The following PDE4D variants were observed in gnomAD, a reference collection of about 807,000 sequenced individuals.
PDE4D encodes the protein phosphodiesterase 4D, also known as 3',5'-cyclic-AMP phosphodiesterase 4D.
In PDE4D, 24 loss-of-function variants were observed where a neutral mutation model predicts 87.4. The ratio of observed to expected loss-of-function variants is 0.27; its 90% confidence interval spans 0.20 to 0.39. The LOEUF is 0.39. Ranked by LOEUF, PDE4D falls within the 10% of genes least tolerant of loss-of-function variation. The pLI is 1.00. For missense variants in PDE4D, 714 were observed against 1,041.0 expected, an observed-to-expected ratio of 0.69 and a Z score of 4.32; for synonymous variants, 384 against 383.2, an observed-to-expected ratio of 1.00 and a Z score of -0.02.
chr5:60,135,710 A>G (rs1478104715), intron 2 of PDE4D, among the ~76,000 whole-genome samples: 3 of 152,182 alleles, frequency 2.0e-5, no homozygotes, highest in Non-Finnish European at 4.4e-5. Context: ...GTGCTGGAAG[A>G]AAGGTCAGGG....
chr5:59,783,140 A>T (rs1233527118), intron 1 of PDE4D, among the ~76,000 whole-genome samples: 3 of 152,214 alleles, frequency 2.0e-5, no homozygotes, highest in Non-Finnish European at 2.9e-5. Context: ...CACTAGCAGA[A>T]GGCCTGGTTT....
intron 1 of PDE4D, among the ~76,000 whole-genome samples, chr5:59,523,959 T>G (rs1180186498): frequency 1.3e-5 from 2 of 152,218 alleles, no homozygotes; most frequent in Non-Finnish European, 2.9e-5. Flanking sequence ...GTAAGTTTCC[T>G]GAAGCCTCCC....
rs926523434 is a variant in PDE4D at position 60,415,487 on chromosome 5, G to A, written c.-90+72455C>T. On this transcript the variant is annotated intron_variant, in intron 1 of 16. Transcript: ENST00000502484. ...GTGCAGGCGGGAACCGGGGCTGCGCGGCAGGCACTTGAAGGCCAGTGCGAG... is the reference window on the plus strand; with the variant it reads ...GTGCAGGCGGGAACCGGGGCTGCGCAGCAGGCACTTGAAGGCCAGTGCGAG... Among the ~76,000 whole-genome samples the A allele has an allele frequency of 4.6e-5, 7 of 152,340 alleles. No individual in the cohort carries two copies. The East Asian group carries it at 9.7e-4, about 21-fold the overall frequency.
In PDE4D at chr5:60,150,815, T is replaced by C. The variant is rs1212143415; in HGVS notation, c.42+34742A>G. Among the ~76,000 whole-genome samples, 13 of 152,146 alleles carry C rather than the reference T, an allele frequency of 8.5e-5. 1 individual carries two copies. Among genetic ancestry groups the C allele is most frequent in the Non-Finnish European group, 1.5e-5 (1 of 68,022 alleles). On this transcript the variant is annotated intron_variant, in intron 2 of 16. Transcript: ENST00000502484. ...GCCTAACCCCGAAGGTTTGGAAATC[T>C]GTGAATACAGAATAAAAGGTAACTA...
chr5:59,347,255 C>A (rs927201158), intron 1 of PDE4D, among the ~76,000 whole-genome samples: 12 of 152,132 alleles, frequency 7.9e-5, no homozygotes, highest in African/African-American at 2.9e-4. Flanking sequence ...CCTATATAAA[C>A]AAACTCTGCC....
chr5:59,987,808 G>A (rs1347871360), intron 3 of PDE4D: 1 of 152,054 alleles, frequency 6.6e-6, no homozygotes, highest in Non-Finnish European at 1.5e-5. Context: ...TTTTAAACTG[G>A]TGACATTGCT....
At chr5:59,032,914 G>A (rs1043593439) in intron 6 of PDE4D, among the ~76,000 whole-genome samples, 1 of 152,112 alleles carries the variant, frequency 6.6e-6, no homozygotes, top group Non-Finnish European at 1.5e-5. Context: ...CAAAATATTA[G>A]ATAGGAAACA....
intron 6 of PDE4D, among the ~76,000 whole-genome samples, chr5:59,031,218 C>A (rs1757330214): frequency 6.6e-6 from 1 of 151,812 alleles, no homozygotes. Flanking sequence ...ATCCAACAAT[C>A]CTACTTCTAG....
chr5:60,050,835 A>G (rs1451022294), intron 2 of PDE4D, among the ~76,000 whole-genome samples: 1 of 152,208 alleles, frequency 6.6e-6, no homozygotes, highest in African/African-American at 2.4e-5. Context: ...AAAGGGGTGG[A>G]GGAATATTTA....
chr5:59,299,369 T>C (rs920877484), intron 1 of PDE4D, among the ~76,000 whole-genome samples: 1 of 152,208 alleles, frequency 6.6e-6, no homozygotes, highest in African/African-American at 2.4e-5. Context: ...TGAGCTCCTG[T>C]TTCCCTCTGT....
chr5:60,118,883 A>G (rs1299386531), intron 2 of PDE4D, among the ~76,000 whole-genome samples: 1 of 152,058 alleles, frequency 6.6e-6, no homozygotes, highest in East Asian at 1.9e-4. Flanking sequence ...AGGATATTAT[A>G]ACATGTTTCC....
chr5:60,069,006 T>C (rs4538573), intron 2 of PDE4D, among the ~76,000 whole-genome samples: 74,162 of 152,050 alleles, frequency 0.49, 18,539 homozygotes, highest in East Asian at 0.83. Flanking sequence ...CTTTAAGCCA[T>C]TTCAAGTTGA....
chr5:60,106,912 A>T (rs1036359673), intron 2 of PDE4D, among the ~76,000 whole-genome samples: 1 of 151,778 alleles, frequency 6.6e-6, no homozygotes, highest in African/African-American at 2.4e-5. Context: ...AGCAGGAAAG[A>T]TCCAAAATTG....
At chr5:60,071,954 T>C (rs1168144198) in intron 2 of PDE4D, among the ~76,000 whole-genome samples, 2 of 152,164 alleles carry the variant, frequency 1.3e-5, no homozygotes, top group African/African-American at 2.4e-5. Context: ...ATGTCTTTGC[T>C]GTTGTGAATA....
Position 60,462,530 on chromosome 5 carries a change from T to G in PDE4D, c.-90+25412A>C, listed in dbSNP as rs62372012. Among the ~76,000 whole-genome samples the G allele has an allele frequency of 7.2e-3, 1,101 of 152,210 alleles. 9 individuals carry two copies. The highest frequency in any genetic ancestry group is 0.024 in the South Asian group (115 of 4,820). On this transcript the variant is annotated intron_variant, in intron 1 of 16. Transcript: ENST00000502484. ...TAATGAAATGAGTACTATTCAGTGA[T>G]CCAAAGAAAAATCTCCTCTCTCTGT...
chr5:59,394,923 T>C (rs62355532), intron 1 of PDE4D, among the ~76,000 whole-genome samples: 63,208 of 151,188 alleles, frequency 0.42, 13,586 homozygotes, highest in East Asian at 0.49. Flanking sequence ...ACTCGGGAAG[T>C]GCAAGGGGTC....
intron 1 of PDE4D, among the ~76,000 whole-genome samples, chr5:59,631,086 C>T (rs918605427): frequency 6.6e-6 from 1 of 152,116 alleles, no homozygotes; most frequent in Non-Finnish European, 1.5e-5. Context: ...TAAAAAATTA[C>T]TTTGAAGTAC....
intron 5 of PDE4D, among the ~76,000 whole-genome samples, chr5:59,142,790 G>A (rs57885989): frequency 0.011 from 1,606 of 152,220 alleles, 21 homozygotes; most frequent in African/African-American, 0.036. Context: ...GGTGGCACAC[G>A]CCTGTAGTCC....
At chr5:59,907,062 G>T (rs1421474155) in intron 3 of PDE4D, among the ~76,000 whole-genome samples, 1 of 152,168 alleles carries the variant, frequency 6.6e-6, no homozygotes, top group Non-Finnish European at 1.5e-5. Flanking sequence ...AAAAGAATGA[G>T]ATAATGTCAC....
Sources: allele counts gnomAD v4.1 joint callset (sites outside exome capture counted in the v4.1 genomes callset), GRCh38; gene constraint gnomAD v4.1.1; transcripts MANE v1.5; gene names NCBI Gene and HGNC (gene_info 2026-07-23, HGNC 2026-07-21).